Variants in SUV39H1 observed in about 807,000 individuals in gnomAD.
SUV39H1 encodes the protein histone-lysine N-methyltransferase SUV39H1.
For synonymous variants in SUV39H1, 141 were observed against 150.5 expected, an observed-to-expected ratio of 0.94 and a Z score of 0.46; for missense variants, 180 against 386.3, an observed-to-expected ratio of 0.47 and a Z score of 4.48.
intron 1 of SUV39H1, among the ~76,000 whole-genome samples, chrX:48,698,344 A>G (rs2062463155): frequency 8.9e-6 from 1 of 111,756 alleles, no homozygotes. Context: ...TAGGTGATGT[A>G]TGGGATATCC....
At chrX:48,696,380 G>C (rs782475165), upstream of SUV39H1, among the ~76,000 whole-genome samples, 302 of 112,156 alleles carry the variant, frequency 2.7e-3, 4 homozygotes, top group African/African-American at 9.0e-3. Context: ...CCACCTGGGA[G>C]CCCCGGCCTG....
upstream of SUV39H1, chrX:48,695,887 A>G (rs906893159): frequency 5.3e-5 from 61 of 1,154,570 alleles, no homozygotes; most frequent in Non-Finnish European, 5.8e-5. Context: ...GTGGAGGCTT[A>G]ATCCTACCTC....
At chrX:48,703,493 T>C (rs1331092810) in intron 3 of SUV39H1, among the ~76,000 whole-genome samples, 7 of 111,724 alleles carry the variant, frequency 6.3e-5, no homozygotes, top group East Asian at 5.6e-4. Context: ...GCCTCCCACA[T>C]TGGGTCAGAA....
At position 48,707,945 on chromosome X, in the gene SUV39H1, G is replaced by C. The variant is rs1392933726; in HGVS notation, c.*375G>C. On this transcript the variant is annotated 3_prime_UTR_variant, in exon 6 of 6. Transcript: ENST00000376687. The stretch of plus-strand genomic sequence containing the variant: ...CTTCTGCCTGGAGATTGAGGGGTCT[G>C]CTGCAGGCCTCCTCCCTGCTGCCCC... The C allele has an allele frequency of 7.4e-6, 2 of 269,446 alleles. No homozygotes were observed. The highest frequency in any genetic ancestry group is 7.1e-6 in the Non-Finnish European group (1 of 140,986). 22.2% of individuals were successfully genotyped at this position (269,446 alleles called of 1,213,427 possible). A position where few individuals can be genotyped will look rare whatever the true frequency, so the allele number is the denominator to read the frequency against.
chrX:48,695,682 C>A (rs1375064334), upstream of SUV39H1: 4 of 1,121,314 alleles, frequency 3.6e-6, no homozygotes, highest in African/African-American at 3.6e-5. Flanking sequence ...TGATGAGGGG[C>A]GGATTGAACG....
intron 3 of SUV39H1, among the ~76,000 whole-genome samples, chrX:48,701,809 T>C (rs1479013859): frequency 8.9e-6 from 1 of 112,003 alleles, no homozygotes; most frequent in Non-Finnish European, 1.9e-5. Context: ...TTAGCATCCC[T>C]GGACCTTGAC....
At chrX:48,699,989 G>T in intron 2 of SUV39H1, 102 bp from the exon 3 acceptor site, 4 of 673,270 alleles carry the variant, frequency 5.9e-6, no homozygotes, top group Non-Finnish European at 8.9e-6. Flanking sequence ...GGGTGGGGTG[G>T]GGTAGGTGTT....
At chrX:48,702,645 C>T (rs1312803250) in intron 3 of SUV39H1, among the ~76,000 whole-genome samples, 1 of 111,145 alleles carries the variant, frequency 9.0e-6, no homozygotes, top group Non-Finnish European at 1.9e-5. Flanking sequence ...CACACAGGGT[C>T]CTGACAGTCG....
upstream of SUV39H1, chrX:48,695,641 G>A: frequency 2.7e-6 from 3 of 1,104,262 alleles, no homozygotes; most frequent in Non-Finnish European, 3.6e-6. Flanking sequence ...AGACGGTGCG[G>A]TCAGTCGGAT....
intron 1 of SUV39H1, among the ~76,000 whole-genome samples, chrX:48,698,396 A>G (rs1193968219): frequency 9.0e-6 from 1 of 111,489 alleles, no homozygotes; most frequent in Non-Finnish European, 1.9e-5. Flanking sequence ...TGAATTCCAA[A>G]ACACATCTGG....
chrX:48,700,412 A>G lies in SUV39H1; in HGVS notation c.487A>G (p.Ile163Val), dbSNP rs2062470746. 1 of 1,212,219 alleles carries G rather than the reference A, an allele frequency of 8.2e-7. No homozygotes were observed. The highest frequency in any genetic ancestry group is 1.1e-6 in the Non-Finnish European group (1 of 895,578). The change falls in exon 3 of 6, where the codon ATC becomes GTC. Residue 163 changes from isoleucine (I) to valine (V), a missense_variant. Transcript: ENST00000376687. ...LDGPPRAFVY[I>V]NEYRVGEGIT... ...CGGCCCTCCGCGGGCCTTCGTGTACATCAATGAGTACCGTGTTGGTGAGGG... is the reference window on the plus strand; with the variant it reads ...CGGCCCTCCGCGGGCCTTCGTGTACGTCAATGAGTACCGTGTTGGTGAGGG...
chrX:48,696,413 G>T (rs1217471011), upstream of SUV39H1, among the ~76,000 whole-genome samples: 1 of 111,944 alleles, frequency 8.9e-6, no homozygotes, highest in Admixed American at 9.4e-5. Context: ...ATGAGATGAC[G>T]GGCTGACTGA....
chrX:48,698,780 G>T (rs1318720625), intron 1 of SUV39H1, 122 bp from the exon 2 acceptor site: 2 of 882,720 alleles, frequency 2.3e-6, no homozygotes, highest in East Asian at 6.8e-5. Context: ...AAGGCCTGTG[G>T]ATTAAATTTC....
chrX:48,695,999 G>A (rs2062453247), upstream of SUV39H1: 2 of 944,102 alleles, frequency 2.1e-6, no homozygotes, highest in Non-Finnish European at 1.5e-6. Context: ...CCAACTGATA[G>A]TGCCCGACAG....
At chrX:48,706,204 C>T in intron 3 of SUV39H1, 61 bp from the exon 4 acceptor site, 1 of 1,162,871 alleles carries the variant, frequency 8.6e-7, no homozygotes, top group Admixed American at 2.4e-5. Context: ...AAGTCAGGAG[C>T]AGTGCCGGCT....
At chrX:48,695,630 C>T, upstream of SUV39H1, 1 of 1,099,754 alleles carries the variant, frequency 9.1e-7, no homozygotes, top group South Asian at 2.2e-5. Flanking sequence ...GATCACCTGA[C>T]AGACGGTGCG....
Position 48,707,622 on chromosome X carries a change from C to A in SUV39H1, c.*52C>A, listed in dbSNP as rs781903460. The A allele has an allele frequency of 8.4e-7, 1 of 1,192,288 alleles. No homozygotes were observed. Among genetic ancestry groups the A allele is most frequent in the Admixed American group, 2.2e-5 (1 of 45,805 alleles). On this transcript the variant is annotated 3_prime_UTR_variant, in exon 6 of 6. Transcript: ENST00000376687. ...CTGAGGGGGCCTGAAGCTACATGCA[C>A]CTCCCCCACTGCTGCCCTCCTGTCG...
At chrX:48,696,977 G>A (rs1200280751) in intron 1 of SUV39H1, among the ~76,000 whole-genome samples, 174 bp downstream of exon 1, 1 of 108,018 alleles carries the variant, frequency 9.3e-6, no homozygotes, top group Admixed American at 9.6e-5. Flanking sequence ...GCTGGGCGGG[G>A]CTCAGGGGAG....
At chrX:48,696,281 T>C (rs782481471), upstream of SUV39H1, among the ~76,000 whole-genome samples, 2 of 112,370 alleles carry the variant, frequency 1.8e-5, no homozygotes, top group Non-Finnish European at 3.8e-5. Context: ...GAAGCCAGTA[T>C]TGACTGCCCA....
Sources: gnomAD v4.1 joint callset for allele counts (sites outside exome capture counted in the v4.1 genomes callset) on GRCh38, gnomAD v4.1.1 for gene constraint, MANE v1.5 for transcripts, NCBI Gene and HGNC (gene_info 2026-07-23, HGNC 2026-07-21) for gene names.